AGBL4: variants seen among roughly 807,000 people sequenced by gnomAD.
The protein encoded by AGBL4 is cytosolic carboxypeptidase 6.
AGBL4 carries 58 observed loss-of-function variants against 66.4 expected under a neutral mutation model. The observed-to-expected ratio is 0.87, with a 90% CI of 0.71 to 1.09. AGBL4 has a LOEUF of 1.09. AGBL4 is among the 50% of genes least tolerant of loss of function. The probability of loss-of-function intolerance (pLI) is 0.00; values close to 1 mark genes in which losing one functional copy is unlikely to be tolerated. For missense variants in AGBL4, 579 were observed against 631.0 expected, an observed-to-expected ratio of 0.92 and a Z score of 0.88; for synonymous variants, 234 against 222.9, an observed-to-expected ratio of 1.05 and a Z score of -0.44.
intron 6 of AGBL4, among the ~76,000 whole-genome samples, chr1:48,666,968 T>G (rs781284310): frequency 3.9e-4 from 59 of 152,266 alleles, no homozygotes; most frequent in Non-Finnish European, 7.2e-4. Flanking sequence ...CCAGAAAGGT[T>G]AAATGACTTG....
At chr1:48,886,721 G>T (rs1962274) in intron 5 of AGBL4, among the ~76,000 whole-genome samples, 76,300 of 151,610 alleles carry the variant, frequency 0.5, 22,159 homozygotes, top group Non-Finnish European at 0.67. Flanking sequence ...CCTGGCTAAT[G>T]TTTTGTATTT....
At chr1:48,557,864 C>T (rs1644343791) in intron 11 of AGBL4, among the ~76,000 whole-genome samples, 1 of 152,168 alleles carries the variant, frequency 6.6e-6, no homozygotes, top group African/African-American at 2.4e-5. Context: ...TGGGACTACC[C>T]ATTGGACCCC....
chr1:49,574,359 G>T (rs1222604023), intron 3 of AGBL4, among the ~76,000 whole-genome samples: 2 of 152,114 alleles, frequency 1.3e-5, no homozygotes, highest in South Asian at 4.1e-4. Flanking sequence ...CAGTTTATTT[G>T]CTTGGTTAGC....
At chr1:49,185,809 C>A (rs188168374) in intron 4 of AGBL4, among the ~76,000 whole-genome samples, 3 of 152,246 alleles carry the variant, frequency 2.0e-5, no homozygotes, top group Admixed American at 2.0e-4. Context: ...TGACCCAATC[C>A]TATTCTTGCA....
intron 5 of AGBL4, among the ~76,000 whole-genome samples, chr1:48,963,374 T>C (rs1453730382): frequency 2.6e-5 from 4 of 152,128 alleles, no homozygotes; most frequent in African/African-American, 9.7e-5. Flanking sequence ...ACTATAGCAC[T>C]CCTTGAATGC....
chr1:49,541,571 G>A (rs1002369212), intron 3 of AGBL4, among the ~76,000 whole-genome samples: 7 of 152,150 alleles, frequency 4.6e-5, no homozygotes, highest in Non-Finnish European at 7.4e-5. Context: ...GCCTCTCCGC[G>A]GGGCAGGGCT....
chr1:49,647,422 C>T (rs1013476344), intron 3 of AGBL4, among the ~76,000 whole-genome samples: 3 of 152,070 alleles, frequency 2.0e-5, no homozygotes, highest in Admixed American at 2.0e-4. Flanking sequence ...CCACAGGAAC[C>T]AGTGCCAGTG....
At chr1:49,790,609 A>C (rs1485261402) in intron 2 of AGBL4, among the ~76,000 whole-genome samples, 1 of 152,192 alleles carries the variant, frequency 6.6e-6, no homozygotes, top group African/African-American at 2.4e-5. Flanking sequence ...AGTAGTGTTA[A>C]AAGAAAAATT....
chr1:49,461,527 G>C (rs1302584606), intron 3 of AGBL4, among the ~76,000 whole-genome samples: 1 of 149,882 alleles, frequency 6.7e-6, no homozygotes, highest in Non-Finnish European at 1.5e-5. Flanking sequence ...AAGTTCTGGG[G>C]TACATGTGCA....
At chr1:48,759,357 C>A in intron 6 of AGBL4, 2 of 1,496,474 alleles carry the variant, frequency 1.3e-6, no homozygotes, top group East Asian at 2.5e-5. Flanking sequence ...CAATATTTCC[C>A]CAGACAATCC....
chr1:49,489,426 G>T (rs1205005168), intron 3 of AGBL4, among the ~76,000 whole-genome samples: 1 of 151,578 alleles, frequency 6.6e-6, no homozygotes, highest in Non-Finnish European at 1.5e-5. Flanking sequence ...TATATATTCT[G>T]GTTATTAATC....
intron 1 of AGBL4, among the ~76,000 whole-genome samples, chr1:49,942,072 A>G (rs1654814657): frequency 6.6e-6 from 1 of 152,174 alleles, no homozygotes; most frequent in Non-Finnish European, 1.5e-5. Flanking sequence ...GAAAATGATT[A>G]TACAAAAAAC....
chr1:50,022,076 C>A (rs1218022806), intron 1 of AGBL4, among the ~76,000 whole-genome samples: 1 of 152,122 alleles, frequency 6.6e-6, no homozygotes, highest in Non-Finnish European at 1.5e-5. Context: ...TTATCCAATC[C>A]CTATCATATG....
chr1:49,610,599 C>T (rs949574391), intron 3 of AGBL4, among the ~76,000 whole-genome samples: 2 of 152,176 alleles, frequency 1.3e-5, no homozygotes, highest in African/African-American at 2.4e-5. Context: ...GCTCTATTCT[C>T]ATGAAGGGAC....
At chr1:49,023,260 A>T (rs1663383942) in intron 5 of AGBL4, among the ~76,000 whole-genome samples, 1 of 152,150 alleles carries the variant, frequency 6.6e-6, no homozygotes. Context: ...GTTTAGATGA[A>T]AAAAGCCAAG....
intron 2 of AGBL4, among the ~76,000 whole-genome samples, chr1:49,771,080 G>A (rs1339863784): frequency 6.6e-6 from 1 of 151,866 alleles, no homozygotes; most frequent in Non-Finnish European, 1.5e-5. Context: ...AGTTCCTTGA[G>A]AAGCATGATT....
At chr1:49,593,812 TA>T (rs1432828414) in intron 3 of AGBL4, among the ~76,000 whole-genome samples, 1 of 152,206 alleles carries the variant, frequency 6.6e-6, no homozygotes, top group Non-Finnish European at 1.5e-5. Flanking sequence ...GTAAGTGCTC[TA>T]AAAATATTAG....
At chr1:49,668,324 A>G (rs926273027) in intron 3 of AGBL4, among the ~76,000 whole-genome samples, 3 of 152,338 alleles carry the variant, frequency 2.0e-5, no homozygotes, top group Non-Finnish European at 4.4e-5. Flanking sequence ...GTTAATTCAC[A>G]CAGGCTGTTA....
chr1:48,757,636 C>T (rs1644010595), intron 6 of AGBL4, among the ~76,000 whole-genome samples: 1 of 152,098 alleles, frequency 6.6e-6, no homozygotes, highest in Admixed American at 6.5e-5. Flanking sequence ...CTTGGACCAC[C>T]CAAAGATCTA....
Sources: allele counts gnomAD v4.1 joint callset (sites outside exome capture counted in the v4.1 genomes callset), GRCh38; gene constraint gnomAD v4.1.1; transcripts MANE v1.5; gene names NCBI Gene and HGNC (gene_info 2026-07-23, HGNC 2026-07-21).